The following TAS1R2 variants were observed in gnomAD, a reference collection of about 807,000 sequenced individuals.
TAS1R2 encodes taste 1 receptor member 2, also known as taste receptor type 1 member 2.
A neutral mutation model predicts 49.3 loss-of-function variants in TAS1R2; 47 were observed. The ratio of observed to expected loss-of-function variants is 0.95; its 90% CI spans 0.75 to 1.22. The LOEUF is 1.22. Among genes scored for constraint, TAS1R2 ranks in the 50% most tolerant of loss-of-function variants. TAS1R2 has a pLI of 0.00. For missense variants in TAS1R2, 1,155 were observed against 1,122.1 expected, an observed-to-expected ratio of 1.03 and a Z score of -0.42; for synonymous variants, 479 against 467.9, an observed-to-expected ratio of 1.02 and a Z score of -0.31.
chr1:18,857,711 C>T, intron 1 of TAS1R2, 80 bp from the exon 2 acceptor site: 5 of 1,476,050 alleles, frequency 3.4e-6, no homozygotes, highest in South Asian at 1.3e-5. Context: ...CCCACTCCTC[C>T]TTCCTGCCAC....
At position 18,841,753 on chromosome 1, in the gene TAS1R2, C is replaced by T. The variant is rs148798381; in HGVS notation, c.1567G>A (p.Gly523Ser). The T allele has an allele frequency of 3.1e-5, 50 of 1,613,696 alleles. No individual in the cohort carries two copies. Among genetic ancestry groups the T allele is most frequent in the Middle Eastern group, 3.3e-4 (2 of 6,080 alleles). The change falls in exon 5 of 6, where the codon GGC (glycine) becomes AGC (serine). Residue 523 changes from glycine (G) to serine (S), a missense_variant. Transcript: ENST00000375371. ...CCTTCAGTGTGGTTGAGGAAGGTGCCGGGAAGGCAGTCGATGCACTCGAAG... is the reference window on the plus strand; with the variant it reads ...CCTTCAGTGTGGTTGAGGAAGGTGCTGGGAAGGCAGTCGATGCACTCGAAG...
At chr1:18,850,695 G>T (rs947721036) in intron 3 of TAS1R2, among the ~76,000 whole-genome samples, 7 of 152,290 alleles carry the variant, frequency 4.6e-5, no homozygotes, top group African/African-American at 1.7e-4. Flanking sequence ...GGGTCGGAAA[G>T]CACTGGCCTT....
At position 18,854,212 on chromosome 1, in the gene TAS1R2, C is replaced by T; in HGVS notation, c.1257+1G>A. The T allele has an allele frequency of 6.2e-7, 1 of 1,611,162 alleles. No homozygotes were observed. Among genetic ancestry groups the T allele is most frequent in the Non-Finnish European group, 8.5e-7 (1 of 1,177,716 alleles). On this transcript the variant is annotated splice_donor_variant, in intron 3 of 5. Transcript: ENST00000375371. LOFTEE classifies it high-confidence loss of function. The surrounding 1 kb of genome is among the most constrained non-coding windows in gnomAD (Gnocchi z 4.9). ...AGACTCTATGGCAGCCACCCCCTCACCTGCCAGGGGTAGACCACCCTCTTG... is the reference window on the plus strand; with the variant it reads ...AGACTCTATGGCAGCCACCCCCTCATCTGCCAGGGGTAGACCACCCTCTTG...
Position 18,840,378 on chromosome 1 carries a change from G to A in TAS1R2, c.1741C>T (p.Leu581=), listed in dbSNP as rs776226502. ...CTCCAGAATATCACCAGGATGGCCA[G>A]GGTGCTGAGGAAGCCCAGGGCGGCC... The change falls in exon 6 of 6, where the codon CTG becomes TTG. Residue 581 remains leucine, a synonymous_variant. Coordinates refer to ENST00000375371, the Ensembl canonical transcript of TAS1R2. 14 of 1,614,174 alleles carry A rather than the reference G, an allele frequency of 8.7e-6. No individual in the cohort carries two copies. In the East Asian group the frequency reaches 2.9e-4, roughly 33 times the overall value.
chr1:18,859,356 C>A lies in TAS1R2; in HGVS notation c.182+123G>T. 8 of 1,202,770 alleles carry A rather than the reference C, an allele frequency of 6.7e-6. No individual in the cohort carries two copies. In the South Asian group the frequency reaches 9.8e-5, roughly 15 times the overall value. The allele number at this position is 1,202,770 out of a possible 1,614,324, so 74.5% of individuals were successfully genotyped here. A position where few individuals can be genotyped will look rare whatever the true frequency, so the allele number is the denominator to read the frequency against. ...CATGGATCCAGAATAAGGGGGTTGG[C>A]AATGAATGGGGAGGAGTGCTTTAAG... On this transcript the variant is annotated intron_variant, in intron 1 of 5. Transcript: ENST00000375371.
At position 18,857,671 on chromosome 1, in the gene TAS1R2, G is replaced by T. The variant is rs781048242; in HGVS notation, c.183-40C>A. 19 of 1,585,636 alleles carry T rather than the reference G, an allele frequency of 1.2e-5. 1 individual carries two copies. In the South Asian group the frequency reaches 2.1e-4, roughly 18 times the overall value. On this transcript the variant is annotated intron_variant, in intron 1 of 5. Coordinates refer to ENST00000375371, the Ensembl canonical transcript of TAS1R2. ...GCATCATGAGGTGGAAGCAGATCCA[G>T]AATGAGGAAGGAAGAGATAAGAGAA...
intron 3 of TAS1R2, among the ~76,000 whole-genome samples, chr1:18,851,716 A>G (rs1934029860): frequency 6.6e-6 from 1 of 152,038 alleles, no homozygotes; most frequent in South Asian, 2.1e-4. Flanking sequence ...CACCACCACC[A>G]TCAGCACGGG....
rs1257883290 is a variant in TAS1R2 at position 18,845,347 on chromosome 1, C to T, written c.1468-3495G>A. Reference sequence around the variant, plus strand: ...CCCCCTGCAAGGTGGGGACACTGCCCTTTAAGATGAAGTTTTGAATGAATG... The same window carrying T: ...CCCCCTGCAAGGTGGGGACACTGCCTTTTAAGATGAAGTTTTGAATGAATG... On this transcript the variant is annotated intron_variant, in intron 4 of 5. Transcript: ENST00000375371. 2.6e-5 allele frequency among the ~76,000 whole-genome samples: 4 copies of T among 152,160 alleles called. No homozygotes were observed. In the South Asian group the frequency reaches 8.3e-4, roughly 32 times the overall value.
chr1:18,852,682 G>A (rs191325729), intron 3 of TAS1R2, among the ~76,000 whole-genome samples: 3 of 152,198 alleles, frequency 2.0e-5, no homozygotes, highest in African/African-American at 4.8e-5. Flanking sequence ...TGCAGTTCCC[G>A]TCGCCTCTCA....
At chr1:18,851,123 C>T (rs923117375) in intron 3 of TAS1R2, among the ~76,000 whole-genome samples, 2 of 152,182 alleles carry the variant, frequency 1.3e-5, no homozygotes, top group Non-Finnish European at 2.9e-5. Context: ...CTAAGCTCTG[C>T]CCAGCTCACC....
At chr1:18,840,004 G>T (rs1384661695) in exon 6 of TAS1R2, 1 of 1,614,198 alleles carries the variant, frequency 6.2e-7, no homozygotes, top group South Asian at 1.1e-5. Flanking sequence ...CAGTACGGGT[G>T]GTGGGACTGA....
chr1:18,845,691 G>A (rs1933908011), intron 4 of TAS1R2, among the ~76,000 whole-genome samples: 1 of 152,212 alleles, frequency 6.6e-6, no homozygotes, highest in South Asian at 2.1e-4. Context: ...AAGTGGAGTA[G>A]GAAGGAGTAG....
At chr1:18,849,442 C>A (rs767092035) in exon 4 of TAS1R2, 1 of 1,614,236 alleles carries the variant, frequency 6.2e-7, no homozygotes, top group South Asian at 1.1e-5. Flanking sequence ...TGGCTCCGGT[C>A]CCATTGCCAC....
intron 3 of TAS1R2, among the ~76,000 whole-genome samples, chr1:18,851,486 T>G (rs961777212): frequency 6.6e-6 from 1 of 152,258 alleles, no homozygotes; most frequent in African/African-American, 2.4e-5. Flanking sequence ...CCCTCCACTA[T>G]GCCCAGCTAA....
exon 6 of TAS1R2, chr1:18,839,966 A>G (rs1933785703): frequency 6.2e-7 from 1 of 1,613,954 alleles, no homozygotes; most frequent in Non-Finnish European, 8.5e-7. Context: ...GTTACAGGAG[A>G]CAATTGTGAT....
chr1:18,858,243 A>C, intron 1 of TAS1R2: 1 of 153,608 alleles, frequency 6.5e-6, no homozygotes, highest in Admixed American at 6.4e-5. Context: ...CACCCCCATC[A>C]CCATCATCAC....
At chr1:18,847,085 T>C (rs1569664465) in intron 4 of TAS1R2, among the ~76,000 whole-genome samples, 1 of 152,362 alleles carries the variant, frequency 6.6e-6, no homozygotes, top group Middle Eastern at 3.4e-3. Context: ...GCCAGCATCA[T>C]GCTTCCTGTA....
At chr1:18,839,707 G>A (rs372613607) in exon 6 of TAS1R2, 1 of 1,614,258 alleles carries the variant, frequency 6.2e-7, no homozygotes, top group South Asian at 1.1e-5. Flanking sequence ...AGTAGCCCAG[G>A]CTGATGGCCA....
chr1:18,841,671 G>A (rs1933826046), intron 5 of TAS1R2, 58 bp downstream of exon 5: 1 of 1,576,408 alleles, frequency 6.3e-7, no homozygotes, highest in Non-Finnish European at 8.7e-7. Flanking sequence ...AGAGACTCCA[G>A]GGGCAGGGCA....
Sources: allele counts gnomAD v4.1 joint callset (sites outside exome capture counted in the v4.1 genomes callset), GRCh38; gene constraint gnomAD v4.1.1; non-coding constraint Gnocchi (gnomAD v3.1); transcripts MANE v1.5; gene names NCBI Gene and HGNC (gene_info 2026-07-23, HGNC 2026-07-21).